The following LRRK2 variants were observed in gnomAD, a reference collection of about 807,000 sequenced individuals.
LRRK2 encodes leucine rich repeat kinase 2.
In LRRK2, 203 loss-of-function variants were observed where a neutral mutation model predicts 302.6. The ratio of observed to expected loss-of-function variants is 0.67; its 90% confidence interval spans 0.60 to 0.75. The LOEUF (loss-of-function observed/expected upper bound fraction) is 0.75. Among genes scored for constraint, LRRK2 ranks in the 30% least tolerant of loss-of-function variants. LRRK2 has a pLI of 0.00. For missense variants in LRRK2, 2,830 were observed against 2,951.0 expected (o/e 0.96, Z 0.95); for synonymous variants, 1,066 against 1,031.9 (o/e 1.03, Z -0.63).
chr12:40,237,144 T>G (rs994386185), intron 4 of LRRK2, among the ~76,000 whole-genome samples: 1 of 152,094 alleles, frequency 6.6e-6, no homozygotes, highest in Non-Finnish European at 1.5e-5. Context: ...GGAGCAGAGT[T>G]TAGCATATTT....
rs1944584508 is a variant in LRRK2 at position 40,300,546 on chromosome 12, C to T, written c.3496+1289C>T. Among the ~76,000 whole-genome samples the T allele has an allele frequency of 3.3e-5, 5 of 152,246 alleles. No homozygotes were observed. The South Asian group carries it at 1.0e-3, about 32-fold the overall frequency. ...TTTAATTTGTCAGAGCTTTCAGAAA[C>T]TAATAATGATCAAAGCCATCTTAAT... On this transcript the variant is annotated intron_variant, in intron 25 of 50. Transcript: ENST00000298910.
chr12:40,334,941 T>C, intron 39 of LRRK2, 26 bp from the exon 40 acceptor site: 2 of 1,612,752 alleles, frequency 1.2e-6, no homozygotes, highest in Non-Finnish European at 1.7e-6. Flanking sequence ...GTTGAATTAC[T>C]CTTACATGAT....
At chr12:40,330,223 G>A (rs2136921511) in intron 39 of LRRK2, among the ~76,000 whole-genome samples, 1 of 152,232 alleles carries the variant, frequency 6.6e-6, no homozygotes, top group African/African-American at 2.4e-5. Context: ...TGAGGTAAAT[G>A]TTTTCAGTCC....
intron 47 of LRRK2, 27 bp from the exon 48 acceptor site, chr12:40,363,375 T>C: frequency 6.4e-7 from 1 of 1,557,022 alleles, no homozygotes; most frequent in Non-Finnish European, 8.7e-7. Context: ...CAAATAGTGA[T>C]GACTTTCTAT....
At chr12:40,250,179 G>C (rs1189884965) in intron 8 of LRRK2, among the ~76,000 whole-genome samples, 1 of 152,188 alleles carries the variant, frequency 6.6e-6, no homozygotes, top group African/African-American at 2.4e-5. Context: ...TCATTAAGCA[G>C]CTAATCTGTT....
At chr12:40,248,728 A>G (rs374061409) in intron 7 of LRRK2, among the ~76,000 whole-genome samples, 2 of 152,252 alleles carry the variant, frequency 1.3e-5, no homozygotes, top group African/African-American at 4.8e-5. Flanking sequence ...ACATAAGTCC[A>G]GTCTTCCTGC....
intron 40 of LRRK2, among the ~76,000 whole-genome samples, chr12:40,336,756 T>C (rs1477135767): frequency 2.0e-5 from 3 of 152,222 alleles, no homozygotes; most frequent in Non-Finnish European, 4.4e-5. Context: ...TTTCTGCTTT[T>C]GAACACCAGG....
chr12:40,304,002 A>G lies in LRRK2; in HGVS notation c.3645A>G (p.Ala1215=), dbSNP rs754953852. 1.2e-6 allele frequency: 2 copies of G among 1,613,754 alleles called. No homozygotes were observed. Among genetic ancestry groups the G allele is most frequent in the Non-Finnish European group, 8.5e-7 (1 of 1,179,762 alleles). Residue 1215 remains alanine, a synonymous_variant, in exon 27 of 51, where the codon GCA becomes GCG. Transcript: ENST00000298910. The part of the protein sequence containing the change: ...SNDIQYLPGP[A]HWKSLNLREL... ...ATATTCAGTACCTACCAGGTCCCGC[A>G]CACTGGAAATCTTTGAACTTAAGGG...
intron 44 of LRRK2, among the ~76,000 whole-genome samples, chr12:40,352,474 T>TTTTTTTTTTTTTC (rs1297308769): frequency 7.0e-6 from 1 of 142,238 alleles, no homozygotes; most frequent in Non-Finnish European, 1.5e-5. Context: ...ACAATCTTTT[T>TTTTTTTTTTTTTC]TTTTTAATTG....
At chr12:40,329,159 T>G (rs753847241) in intron 39 of LRRK2, among the ~76,000 whole-genome samples, 1 of 152,226 alleles carries the variant, frequency 6.6e-6, no homozygotes, top group Non-Finnish European at 1.5e-5. Flanking sequence ...TATTGATTAC[T>G]TGCTACAAAG....
chr12:40,264,063 T>A (rs1013043479), intron 14 of LRRK2, among the ~76,000 whole-genome samples, 162 bp downstream of exon 14: 1 of 152,144 alleles, frequency 6.6e-6, no homozygotes, highest in Admixed American at 6.6e-5. Flanking sequence ...ATGTGGGAAG[T>A]GAAAAGATAT....
chr12:40,296,094 T>G (rs1362454890), intron 23 of LRRK2, among the ~76,000 whole-genome samples: 2 of 152,198 alleles, frequency 1.3e-5, no homozygotes, highest in Non-Finnish European at 2.9e-5. Flanking sequence ...AAATAGAGAT[T>G]CAACTAAATG....
At chr12:40,331,899 T>C (rs1005776721) in intron 39 of LRRK2, among the ~76,000 whole-genome samples, 5 of 152,236 alleles carry the variant, frequency 3.3e-5, no homozygotes, top group Admixed American at 3.3e-4. Context: ...TATATTGGTT[T>C]AATTCCTTCA....
At chr12:40,332,975 A>T (rs1592301480) in intron 39 of LRRK2, among the ~76,000 whole-genome samples, 2 of 148,614 alleles carry the variant, frequency 1.3e-5, no homozygotes, top group Admixed American at 1.3e-4. Context: ...AAAAAAAAAG[A>T]AAAAGACAAC....
At chr12:40,351,065 T>TA (rs758856030) in intron 43 of LRRK2, among the ~76,000 whole-genome samples, 1 of 152,174 alleles carries the variant, frequency 6.6e-6, no homozygotes, top group Non-Finnish European at 1.5e-5. Flanking sequence ...TCTGTTTTCT[T>TA]ACGGTGCCTT....
At chr12:40,349,245 T>C (rs930869630) in intron 43 of LRRK2, among the ~76,000 whole-genome samples, 5 of 152,214 alleles carry the variant, frequency 3.3e-5, no homozygotes, top group African/African-American at 1.2e-4. Context: ...ACGTGTACAC[T>C]GTCTTCCACT....
intron 32 of LRRK2, among the ~76,000 whole-genome samples, chr12:40,314,520 G>A (rs72547977): frequency 0.015 from 2,353 of 152,196 alleles, 31 homozygotes; most frequent in Middle Eastern, 0.082. Context: ...TTTAGTGCAT[G>A]TGAAAGTTAT....
chr12:40,354,549 G>A, intron 45 of LRRK2, 57 bp downstream of exon 45: 1 of 1,464,554 alleles, frequency 6.8e-7, no homozygotes. Flanking sequence ...CGACTGAATT[G>A]TGTGCATAAT....
chr12:40,230,402 A>G (rs1457374426), intron 2 of LRRK2, among the ~76,000 whole-genome samples: 1 of 152,112 alleles, frequency 6.6e-6, no homozygotes, highest in Non-Finnish European at 1.5e-5. Context: ...TGCAATATTC[A>G]ACTTTACTTA....
Sources: gnomAD v4.1 joint callset for allele counts (sites outside exome capture counted in the v4.1 genomes callset) on GRCh38, gnomAD v4.1.1 for gene constraint, MANE v1.5 for transcripts, NCBI Gene and HGNC (gene_info 2026-07-23, HGNC 2026-07-21) for gene names.